The following FLT4 variants were observed in gnomAD, a reference collection of about 807,000 sequenced individuals.
The protein encoded by FLT4 is fms related receptor tyrosine kinase 4, also known as vascular endothelial growth factor receptor 3.
A neutral mutation model predicts 163.2 loss-of-function variants in FLT4; 30 were observed. The ratio of observed to expected loss-of-function variants is 0.18; its 90% confidence interval spans 0.14 to 0.25. FLT4 has a LOEUF of 0.25. FLT4 is among the 10% of genes least tolerant of loss of function. The probability of loss-of-function intolerance (pLI) is 1.00; values close to 1 mark genes in which losing one functional copy is unlikely to be tolerated. For synonymous variants in FLT4, 884 were observed against 789.5 expected (o/e 1.12, Z -2.01); for missense variants, 1,510 against 1,863.8 (o/e 0.81, Z 3.50).
chr5:180,629,092 G>A (rs1232400495), intron 7 of FLT4, 93 bp from the exon 8 acceptor site: 19 of 1,448,226 alleles, frequency 1.3e-5, no homozygotes, highest in South Asian at 9.1e-5. Flanking sequence ...CCCGGCAGCC[G>A]GACATCCGCA....
rs1319001408 is a variant in FLT4 at position 180,647,630 on chromosome 5, G to A, written c.58+1858C>T. ...ACTGCAGCTGAGGGCTTGTGCTTCC[G>A]CCATGGCATCCCCCATCAAGCTGGG... On this transcript the variant is annotated intron_variant, in intron 1 of 29. Transcript: ENST00000261937. Among the ~76,000 whole-genome samples, 4 of 151,568 alleles carry A rather than the reference G, an allele frequency of 2.6e-5. No homozygotes were observed. The South Asian group carries it at 6.3e-4, about 24-fold the overall frequency.
In FLT4 at chr5:180,601,582, T is replaced by C; in HGVS notation, c.*1610A>G. 4.3e-6 allele frequency: 1 copy of C among 233,216 alleles called. No homozygotes were observed. Among genetic ancestry groups the C allele is most frequent in the East Asian group, 6.0e-5 (1 of 16,582 alleles). 14.4% of individuals were successfully genotyped at this position (233,216 alleles called of 1,614,324 possible). A position where few individuals can be genotyped will look rare whatever the true frequency, so the allele number is the denominator to read the frequency against. ...ATATTTTCGATCTTTTCTCAGAACA[T>C]GGTCTAGAAGGGCATAGTAGTTTTT... On this transcript the variant is annotated 3_prime_UTR_variant, in exon 30 of 30. Coordinates refer to ENST00000261937, the MANE Select transcript of FLT4 (RefSeq NM_182925.5).
chr5:180,615,065 G>T (rs1454070072), intron 23 of FLT4, among the ~76,000 whole-genome samples: 1 of 152,196 alleles, frequency 6.6e-6, no homozygotes, highest in Admixed American at 6.5e-5. Flanking sequence ...GCAGGCCCTG[G>T]GAGTCAGGAC....
intron 1 of FLT4, among the ~76,000 whole-genome samples, chr5:180,639,642 CTT>C (rs929489843): frequency 1.3e-4 from 20 of 152,174 alleles, no homozygotes; most frequent in African/African-American, 3.6e-4. Context: ...CTCAGAGACT[CTT>C]GTCAGACCCT....
chr5:180,609,117 C>T (rs1761980903), intron 28 of FLT4, 64 bp from the exon 29 acceptor site: 1 of 1,408,936 alleles, frequency 7.1e-7, no homozygotes, highest in Non-Finnish European at 1.0e-6. Context: ...GGCAGCCACC[C>T]CCAGCCAGGA....
At chr5:180,643,949 G>A (rs1581715748) in intron 1 of FLT4, among the ~76,000 whole-genome samples, 2 of 152,076 alleles carry the variant, frequency 1.3e-5, no homozygotes, top group South Asian at 4.1e-4. Context: ...AGCCTCCCGA[G>A]TAGTTGGGAT....
rs1319807701 is a variant in FLT4 at position 180,618,764 on chromosome 5, T to C, written c.3001+6A>G. ...ACTAGGAAAAGGGAAGAGGCCAGGC[T>C]CTCACCTTCTTGGTCTGGAGAAGCC... On this transcript the variant is annotated splice_donor_region_variant and intron_variant, in intron 21 of 29. Transcript: ENST00000261937. 1.9e-6 allele frequency: 3 copies of C among 1,585,636 alleles called. No homozygotes were observed. The highest frequency in any genetic ancestry group is 3.5e-5 in the Admixed American group (2 of 56,764).
rs1244018211 is a variant in FLT4 at position 180,626,874 on chromosome 5, C to G, written c.1104-609G>C. 3.9e-5 allele frequency among the ~76,000 whole-genome samples: 6 copies of G among 152,236 alleles called. No homozygotes were observed. The East Asian group carries it at 1.2e-3, about 29-fold the overall frequency. On this transcript the variant is annotated intron_variant, in intron 8 of 29. Transcript: ENST00000261937. ...TCGCTGGGACACTCATTTCTGTAGC[C>G]AGGAATCTGCAGGGTTCCCTGCCTC...
chr5:180,616,568 C>T, intron 22 of FLT4, 79 bp from the exon 23 acceptor site: 2 of 1,542,236 alleles, frequency 1.3e-6, no homozygotes, highest in Non-Finnish European at 1.8e-6. Flanking sequence ...TCCAGGGTGC[C>T]CAAGCAGTGG....
intron 1 of FLT4, among the ~76,000 whole-genome samples, chr5:180,642,460 T>C (rs1416040032): frequency 6.6e-6 from 1 of 151,584 alleles, no homozygotes; most frequent in African/African-American, 2.4e-5. Context: ...GGCCCTCAAG[T>C]AGATGGAGCA....
intron 8 of FLT4, among the ~76,000 whole-genome samples, chr5:180,628,492 G>A (rs1368183650): frequency 6.6e-6 from 1 of 152,236 alleles, no homozygotes; most frequent in African/African-American, 2.4e-5. Context: ...GGACAGAAGG[G>A]TCCTGGGAGA....
intron 10 of FLT4, among the ~76,000 whole-genome samples, 165 bp from the exon 11 acceptor site, chr5:180,624,226 TG>T (rs1254240519): frequency 1.4e-5 from 2 of 140,934 alleles, no homozygotes; most frequent in African/African-American, 5.6e-5. Flanking sequence ...GGGACTTTGG[TG>T]TTTTTTTTTT....
In FLT4 at chr5:180,603,328, C is replaced by G; in HGVS notation, c.3956G>C (p.Arg1319Pro). The G allele has an allele frequency of 6.2e-7, 1 of 1,614,006 alleles. No individual in the cohort carries two copies. The stretch of plus-strand genomic sequence containing the variant: ...TCGGGCCCCCCGCTCAGGCCGCCGC[C>G]GCCTCCCTTGGGAGTCAGGGTGTGC... ...TRAHPDSQGRRRRPERGARGG... is the reference protein window; with the variant it reads ...TRAHPDSQGRPRRPERGARGG... The change falls in exon 30 of 30, where the codon CGG (arginine) becomes CCG (proline). Residue 1319 changes from arginine to proline, a missense_variant. Physicochemically the swap from Arg to Pro is moderately radical, Grantham distance 103. Coordinates refer to ENST00000261937, the MANE Select transcript of FLT4 (RefSeq NM_182925.5).
At chr5:180,608,433 C>T (rs954743484) in intron 29 of FLT4, 11 of 681,042 alleles carry the variant, frequency 1.6e-5, no homozygotes, top group Admixed American at 1.0e-4. Context: ...CCGGTCTCCA[C>T]GTCTTGATGG....
intron 28 of FLT4, chr5:180,609,399 C>T (rs978355593): frequency 6.1e-5 from 27 of 444,486 alleles, no homozygotes; most frequent in Admixed American, 1.0e-4. Flanking sequence ...GTTCAAAAAA[C>T]GATCCATGTG....
Position 180,649,538 on chromosome 5 carries a change from C to G in FLT4, c.8G>C (p.Arg3Pro). 2 of 1,436,516 alleles carry G rather than the reference C, an allele frequency of 1.4e-6. No individual in the cohort carries two copies. Among genetic ancestry groups the G allele is most frequent in the Middle Eastern group, 2.5e-4 (1 of 4,002 alleles). The allele number at this position is 1,436,516 out of a possible 1,614,324, so 89.0% of individuals were successfully genotyped here. The change falls in exon 1 of 30, where the codon CGG becomes CCG. Residue 3 changes from arginine to proline, a missense_variant. Coordinates refer to ENST00000261937, the MANE Select transcript of FLT4 (RefSeq NM_182925.5). ...CAGTCGCAGGCACAGCGCGGCGCCC[C>G]GCTGCATCTCCGGCCGCTGCGCGTG... MQ[R>P]GAALCLRLWL...
At chr5:180,629,067 C>A (rs568330698) in intron 7 of FLT4, 68 bp from the exon 8 acceptor site, 53 of 1,490,322 alleles carry the variant, frequency 3.6e-5, no homozygotes, top group Admixed American at 6.7e-5. Flanking sequence ...GGACTCCCCC[C>A]ACGGCCCCTG....
chr5:180,611,012 G>T (rs534918142), intron 27 of FLT4, among the ~76,000 whole-genome samples: 1 of 152,126 alleles, frequency 6.6e-6, no homozygotes, highest in East Asian at 1.9e-4. Flanking sequence ...AGCCGAGATC[G>T]CGCCACTGCA....
Position 180,620,318 on chromosome 5 carries a change from G to T in FLT4, c.2407-10C>A. 6.2e-7 allele frequency: 1 copy of T among 1,610,366 alleles called. No individual in the cohort carries two copies. On this transcript the variant is annotated splice_polypyrimidine_tract_variant and intron_variant, in intron 16 of 29. Transcript: ENST00000261937. The surrounding 1 kb of genome is among the most constrained non-coding windows in gnomAD (Gnocchi z 4.4). The stretch of plus-strand genomic sequence containing the variant: ...TGTCTGCGTGGGCCGGCTGCGGGGA[G>T]GGGACAGGGAGGAGTGGGGCAGCTC...
Sources: gnomAD v4.1 joint callset for allele counts (sites outside exome capture counted in the v4.1 genomes callset) on GRCh38, gnomAD v4.1.1 for gene constraint, Gnocchi (gnomAD v3.1) non-coding constraint, MANE v1.5 for transcripts, NCBI Gene and HGNC (gene_info 2026-07-23, HGNC 2026-07-21) for gene names.